The following TDRD9 variants were observed in gnomAD, a reference collection of about 807,000 sequenced individuals.
TDRD9 encodes the protein tudor domain containing 9.
A neutral mutation model predicts 172.6 loss-of-function variants in TDRD9; 124 were observed. The ratio of observed to expected loss-of-function variants is 0.72; its 90% confidence interval spans 0.62 to 0.83. The LOEUF is 0.83. Among genes scored for constraint, TDRD9 ranks in the 40% least tolerant of loss-of-function variants. The probability of loss-of-function intolerance (pLI) is 0.00; values close to 1 mark genes in which losing one functional copy is unlikely to be tolerated. For synonymous variants in TDRD9, 619 were observed against 617.1 expected (o/e 1.00, Z -0.05); for missense variants, 1,479 against 1,714.1 (o/e 0.86, Z 2.42).
intron 11 of TDRD9, among the ~76,000 whole-genome samples, chr14:103,995,453 G>C (rs542696522): frequency 6.6e-6 from 1 of 152,302 alleles, no homozygotes; most frequent in East Asian, 1.9e-4. Flanking sequence ...GGCAATTCCA[G>C]GACCCCTCTC....
intron 20 of TDRD9, among the ~76,000 whole-genome samples, 154 bp from the exon 21 acceptor site, chr14:104,014,571 G>A (rs899682475): frequency 2.6e-5 from 4 of 152,086 alleles, no homozygotes; most frequent in Admixed American, 6.6e-5. Flanking sequence ...GTGAGTCACC[G>A]TGCACAGCCA....
At chr14:103,981,556 C>T (rs1159367856) in intron 7 of TDRD9, among the ~76,000 whole-genome samples, 1 of 152,194 alleles carries the variant, frequency 6.6e-6, no homozygotes, top group South Asian at 2.1e-4. Flanking sequence ...GAATATGCAA[C>T]ACTTAGCTGT....
chr14:104,041,410 A>G (rs550267554), intron 33 of TDRD9, among the ~76,000 whole-genome samples: 1 of 152,356 alleles, frequency 6.6e-6, no homozygotes, highest in Admixed American at 6.5e-5. Flanking sequence ...TTTGTTCCGC[A>G]AAAGACCCTC....
At chr14:103,957,291 T>C (rs980865664) in intron 2 of TDRD9, among the ~76,000 whole-genome samples, 5 of 152,244 alleles carry the variant, frequency 3.3e-5, no homozygotes, top group African/African-American at 1.2e-4. Context: ...TTCTGTGTTC[T>C]TGCCTCATCA....
In TDRD9 at chr14:104,031,409, T is replaced by G; in HGVS notation, c.3438+146T>G. 2.5e-5 allele frequency: 16 copies of G among 637,584 alleles called. No homozygotes were observed. In the South Asian group the frequency reaches 3.8e-4, roughly 15 times the overall value. The allele number at this position is 637,584 out of a possible 1,614,324, so 39.5% of individuals were successfully genotyped here. A position where few individuals can be genotyped will look rare whatever the true frequency, so the allele number is the denominator to read the frequency against. ...TTTCTCACAATTGATCCTCTTATAATAATAAGAAAAAACCCTGGGGTTTAG... is the reference window on the plus strand; with the variant it reads ...TTTCTCACAATTGATCCTCTTATAAGAATAAGAAAAAACCCTGGGGTTTAG... On this transcript the variant is annotated intron_variant, in intron 29 of 35. Transcript: ENST00000409874.
chr14:104,025,467 G>T (rs74756040), intron 25 of TDRD9, 97 bp from the exon 26 acceptor site: 1 of 888,030 alleles, frequency 1.1e-6, no homozygotes, highest in Non-Finnish European at 1.8e-6. Flanking sequence ...GTGAGGTGTC[G>T]TACAGCACAG....
intron 2 of TDRD9, among the ~76,000 whole-genome samples, chr14:103,958,068 C>T (rs10149630): frequency 0.43 from 65,609 of 151,846 alleles, 14,405 homozygotes; most frequent in Admixed American, 0.51. Flanking sequence ...TATGAGACAG[C>T]GAGAATATGA....
intron 1 of TDRD9, among the ~76,000 whole-genome samples, chr14:103,945,861 A>G (rs76927049): frequency 0.023 from 3,528 of 152,344 alleles, 77 homozygotes; most frequent in East Asian, 0.071. Context: ...AAGGAGCCAG[A>G]CATAACTTTT....
rs775697860 is a variant in TDRD9 at position 104,006,767 on chromosome 14, G to A, written c.1944-15G>A. ...TATTTTAATGGTATTGAATGACACT[G>A]TTATCTGTTTATAGGAACAAAGTGA... On this transcript the variant is annotated splice_polypyrimidine_tract_variant and intron_variant, in intron 17 of 35. Transcript: ENST00000409874. The A allele has an allele frequency of 9.3e-6, 15 of 1,613,248 alleles. No individual in the cohort carries two copies. The highest frequency in any genetic ancestry group is 1.7e-5 in the Admixed American group (1 of 59,970).
chr14:104,004,910 G>A (rs1390536349), intron 14 of TDRD9, among the ~76,000 whole-genome samples: 1 of 152,006 alleles, frequency 6.6e-6, no homozygotes, highest in Non-Finnish European at 1.5e-5. Context: ...CCTTTATAAT[G>A]AGTAATTGTG....
chr14:103,959,645 CT>C (rs1312909220), intron 2 of TDRD9, among the ~76,000 whole-genome samples: 2 of 152,096 alleles, frequency 1.3e-5, no homozygotes, highest in Non-Finnish European at 2.9e-5. Flanking sequence ...ATTCAAAACA[CT>C]TTTGATTTTG....
intron 7 of TDRD9, among the ~76,000 whole-genome samples, chr14:103,985,658 A>C (rs1162472036): frequency 6.6e-6 from 1 of 152,130 alleles, no homozygotes; most frequent in Non-Finnish European, 1.5e-5. Context: ...TAGACAATTA[A>C]AAGTAGTAGA....
chr14:104,049,744 A>T, intron 35 of TDRD9, 64 bp downstream of exon 35: 1 of 1,401,108 alleles, frequency 7.1e-7, no homozygotes, highest in Non-Finnish European at 9.8e-7. Context: ...GGCCCTGGGC[A>T]GACCCAGGGT....
chr14:103,950,199 C>T (rs908656343), intron 1 of TDRD9, among the ~76,000 whole-genome samples: 4 of 151,326 alleles, frequency 2.6e-5, no homozygotes, highest in African/African-American at 7.3e-5. Context: ...AAGCGATTCT[C>T]CTGCCTCAGC....
In TDRD9 at chr14:104,045,016, G is replaced by A. The variant is rs1443814031; in HGVS notation, c.3974+2829G>A. 3.9e-5 allele frequency among the ~76,000 whole-genome samples: 6 copies of A among 152,260 alleles called. No individual in the cohort carries two copies. The East Asian group carries it at 7.7e-4, about 20-fold the overall frequency. Reference sequence around the variant, plus strand: ...AAATTAGTAGGGCATGGTGACACACGCCTGTAATCCCAGCTACTTGAGAGG... The same window carrying A: ...AAATTAGTAGGGCATGGTGACACACACCTGTAATCCCAGCTACTTGAGAGG... On this transcript the variant is annotated intron_variant, in intron 34 of 35. Transcript: ENST00000409874.
chr14:103,944,528 T>TG (rs2031454164), intron 1 of TDRD9, among the ~76,000 whole-genome samples: 1 of 151,730 alleles, frequency 6.6e-6, no homozygotes, highest in African/African-American at 2.4e-5. Context: ...ATAGAAAGAC[T>TG]GGTTTGGTCT....
chr14:104,023,289 T>C (rs2035021804), intron 24 of TDRD9, among the ~76,000 whole-genome samples: 1 of 151,844 alleles, frequency 6.6e-6, no homozygotes, highest in Non-Finnish European at 1.5e-5. Flanking sequence ...ATAGTAGGGA[T>C]TAAATCTAAT....
intron 2 of TDRD9, among the ~76,000 whole-genome samples, chr14:103,959,716 A>G (rs774190521): frequency 6.6e-6 from 1 of 152,228 alleles, no homozygotes; most frequent in African/African-American, 2.4e-5. Flanking sequence ...ATAGAAATCC[A>G]AGGACACCCA....
At chr14:103,930,484 C>G (rs1011884366) in intron 1 of TDRD9, among the ~76,000 whole-genome samples, 3 of 152,042 alleles carry the variant, frequency 2.0e-5, no homozygotes, top group Non-Finnish European at 4.4e-5. Context: ...CTTTATTTTT[C>G]TTTTTTAAAG....
Sources: allele counts gnomAD v4.1 joint callset (sites outside exome capture counted in the v4.1 genomes callset), GRCh38; gene constraint gnomAD v4.1.1; transcripts MANE v1.5; gene names NCBI Gene and HGNC (gene_info 2026-07-23, HGNC 2026-07-21).